Variants in ANXA8 observed in about 807,000 individuals in gnomAD.
ANXA8 encodes the protein VAC-beta.
In ANXA8, 9 loss-of-function variants were observed where a neutral mutation model predicts 26.8. The ratio of observed to expected loss-of-function variants is 0.34; its 90% CI spans 0.20 to 0.59. The LOEUF (loss-of-function observed/expected upper bound fraction) is 0.59. Among genes scored for constraint, ANXA8 ranks in the 20% least tolerant of loss-of-function variants. The pLI, the probability that ANXA8 is intolerant of heterozygous loss-of-function variation, is 0.84. For missense variants in ANXA8, 83 were observed against 238.5 expected, an observed-to-expected ratio of 0.35 and a Z score of 4.29; for synonymous variants, 39 against 94.8, an observed-to-expected ratio of 0.41 and a Z score of 3.42.
At chr10:47,567,817 T>C in the ANXA8 span, 1 of 264,118 alleles carries the variant, frequency 3.8e-6, no homozygotes, top group Non-Finnish European at 7.3e-6. Flanking sequence ...GAGAAAACGA[T>C]GGTAGGTTTA....
chr10:47,744,413 G>GGGGGGGGGGTTGGGGGGGGAGGGGGGAA, the ANXA8 span, among the ~76,000 whole-genome samples: 48 of 3,972 alleles, frequency 0.012, no homozygotes, highest in African/African-American at 0.039. Context: ...GCTCCTGGTG[G>GGGGGGGGGGTTGGGGGGGGAGGGGGGAA]GGGGGGGGTT....
At chr10:47,589,942 TA>T in the ANXA8 span, among the ~76,000 whole-genome samples, 2 of 145,160 alleles carry the variant, frequency 1.4e-5, no homozygotes, top group Non-Finnish European at 2.9e-5. Flanking sequence ...GATAGATAGA[TA>T]GATAGTTGCT....
the ANXA8 span, among the ~76,000 whole-genome samples, chr10:47,639,301 T>G: frequency 1.2e-5 from 1 of 85,286 alleles, no homozygotes; most frequent in African/African-American, 4.1e-5. Flanking sequence ...CCCGGCTAAT[T>G]ATTATTATTA....
chr10:47,548,501 A>G, the ANXA8 span, among the ~76,000 whole-genome samples: 1 of 152,180 alleles, frequency 6.6e-6, no homozygotes, highest in African/African-American at 2.4e-5. Flanking sequence ...GGGTTTCTGC[A>G]TGTTGGTCAG....
At chr10:47,505,608 TAA>T in the ANXA8 span, among the ~76,000 whole-genome samples, 1 of 112,120 alleles carries the variant, frequency 8.9e-6, no homozygotes, top group African/African-American at 3.3e-5. Flanking sequence ...CTCACGCCTG[TAA>T]AATCCCAGCA....
Position 47,475,290 on chromosome 10 carries a change from T to A in ANXA8, c.492+203A>T, listed in dbSNP as rs1313771396. 7.9e-5 allele frequency among the ~76,000 whole-genome samples: 12 copies of A among 151,016 alleles called. No individual in the cohort carries two copies. In the East Asian group the frequency reaches 2.5e-3, roughly 32 times the overall value. On this transcript the variant is annotated intron_variant, in intron 6 of 11. Transcript: ENST00000585281. The stretch of plus-strand genomic sequence containing the variant: ...CTCTCCTCCCGCTTCCAGGATGCTC[T>A]CACATGGCTGAGTAAGGACAGGTGT...
the ANXA8 span, among the ~76,000 whole-genome samples, chr10:47,743,396 G>GTT: frequency 2.1e-5 from 2 of 96,682 alleles, no homozygotes; most frequent in Non-Finnish European, 4.2e-5. Context: ...GTGTGTGTGT[G>GTT]TGTGTGTGTG....
At chr10:47,928,755 T>TG in the ANXA8 span, among the ~76,000 whole-genome samples, 10 of 130,478 alleles carry the variant, frequency 7.7e-5, no homozygotes, top group Non-Finnish European at 1.5e-4. Flanking sequence ...TCTCTCTTTT[T>TG]TTTTTTTTTG....
the ANXA8 span, among the ~76,000 whole-genome samples, chr10:47,944,631 T>C: frequency 2.0e-5 from 3 of 150,580 alleles, no homozygotes; most frequent in South Asian, 6.3e-4. Flanking sequence ...ATAAGTCTCA[T>C]GAGATCTGAT....
chr10:47,568,552 G>GT, the ANXA8 span, among the ~76,000 whole-genome samples: 227 of 23,138 alleles, frequency 9.8e-3, 41 homozygotes, highest in South Asian at 0.094. Flanking sequence ...TATGAGTCTT[G>GT]TTTTTTTTTT....
At chr10:47,769,659 A>C in the ANXA8 span, among the ~76,000 whole-genome samples, 1 of 151,834 alleles carries the variant, frequency 6.6e-6, no homozygotes, top group South Asian at 2.1e-4. Context: ...TTTAGTGCTC[A>C]AGGCTGAGGT....
At chr10:47,590,057 A>G in the ANXA8 span, 1 of 146,130 alleles carries the variant, frequency 6.8e-6, no homozygotes, top group Non-Finnish European at 1.5e-5. Context: ...TGGCAAGTTC[A>G]TCCTATTATT....
the ANXA8 span, among the ~76,000 whole-genome samples, chr10:47,615,746 A>G: frequency 2.7e-5 from 2 of 74,200 alleles, 1 homozygote; most frequent in Admixed American, 2.9e-4. Context: ...CTGAATTTAC[A>G]TTGTTTACTA....
the ANXA8 span, among the ~76,000 whole-genome samples, chr10:47,655,755 T>C: frequency 6.6e-6 from 1 of 151,990 alleles, no homozygotes; most frequent in Non-Finnish European, 1.5e-5. Flanking sequence ...GCAAGGTGGC[T>C]CATGCCTGTA....
chr10:47,946,767 AC>A, the ANXA8 span, among the ~76,000 whole-genome samples: 1 of 151,272 alleles, frequency 6.6e-6, no homozygotes, highest in Admixed American at 6.6e-5. Flanking sequence ...ACTTCAGCTC[AC>A]TGCAACCTCC....
the ANXA8 span, among the ~76,000 whole-genome samples, chr10:47,747,189 T>G: frequency 4.0e-5 from 6 of 151,726 alleles, no homozygotes; most frequent in Admixed American, 1.3e-4. Flanking sequence ...CGGCCATAGC[T>G]AAGAGGCAGC....
chr10:47,706,796 T>C, the ANXA8 span: 13 of 951,218 alleles, frequency 1.4e-5, no homozygotes, highest in East Asian at 6.5e-5. Context: ...GAATATATTC[T>C]AGCTGAAGAA....
the ANXA8 span, among the ~76,000 whole-genome samples, chr10:47,670,063 T>G: frequency 1.3e-5 from 2 of 151,924 alleles, no homozygotes; most frequent in African/African-American, 4.8e-5. Context: ...TGCTTTTTGT[T>G]TCTATGGATT....
chr10:47,580,843 C>T, the ANXA8 span, among the ~76,000 whole-genome samples: 5 of 149,770 alleles, frequency 3.3e-5, no homozygotes, highest in East Asian at 1.9e-4. Flanking sequence ...AGGAGGCCGA[C>T]GCAGGTGGAT....
Sources: allele counts gnomAD v4.1 joint callset (sites outside exome capture counted in the v4.1 genomes callset), GRCh38; gene constraint gnomAD v4.1.1; transcripts MANE v1.5; gene names NCBI Gene and HGNC (gene_info 2026-07-23, HGNC 2026-07-21).